The following CDK6 variants were observed in gnomAD, a reference collection of about 807,000 sequenced individuals.
CDK6 encodes cyclin-dependent kinase 6.
CDK6 carries 6 observed loss-of-function variants against 37.1 expected under a neutral mutation model. The observed-to-expected ratio is 0.16, with a 90% CI of 0.09 to 0.32. The LOEUF (loss-of-function observed/expected upper bound fraction) is 0.32, where lower values mean the gene tolerates loss of function less well. CDK6 is among the 10% of genes least tolerant of loss of function. CDK6 has a pLI of 1.00. For missense variants in CDK6, 224 were observed against 418.9 expected (o/e 0.53, Z 4.06); for synonymous variants, 160 against 161.3 (o/e 0.99, Z 0.06).
rs1041243028 is a variant in CDK6, at chr7:92,835,813, G to A, written c.-368+665C>T. ...GCGGGGACCAGGGCTGCTCACTGCG[G>A]GGCGTGTGTTTAACTCCAATATTTT... On this transcript the variant is annotated intron_variant, in intron 1 of 7. Coordinates refer to ENST00000424848, the MANE Select transcript of CDK6 (RefSeq NM_001145306.2). The surrounding 1 kb of genome is among the most constrained non-coding windows in gnomAD (Gnocchi z 4.2). Among the ~76,000 whole-genome samples the A allele has an allele frequency of 6.6e-6, 1 of 152,254 alleles. No individual in the cohort carries two copies. The highest frequency in any genetic ancestry group is 2.4e-5 in the African/African-American group (1 of 41,468).
At chr7:92,722,178 T>C (rs1798383473) in intron 4 of CDK6, among the ~76,000 whole-genome samples, 1 of 152,118 alleles carries the variant, frequency 6.6e-6, no homozygotes, top group Non-Finnish European at 1.5e-5. Context: ...AATATATATA[T>C]ATTAACATAG....
chr7:92,792,743 G>T (rs551903901), intron 2 of CDK6, among the ~76,000 whole-genome samples: 2 of 152,092 alleles, frequency 1.3e-5, no homozygotes, highest in East Asian at 3.9e-4. Context: ...TAATTAATGA[G>T]CTCAGTCTGG....
chr7:92,649,327 C>A (rs1334389302), intron 5 of CDK6, among the ~76,000 whole-genome samples: 1 of 152,126 alleles, frequency 6.6e-6, no homozygotes, highest in Non-Finnish European at 1.5e-5. Flanking sequence ...ATAATGCCAA[C>A]ATTATCTATA....
intron 4 of CDK6, among the ~76,000 whole-genome samples, chr7:92,714,254 T>C (rs994645861): frequency 6.6e-6 from 1 of 152,132 alleles, no homozygotes; most frequent in Non-Finnish European, 1.5e-5. Context: ...AGGAGATTGT[T>C]AGGCTGGGAA....
At chr7:92,829,166 T>G (rs564317330) in intron 2 of CDK6, among the ~76,000 whole-genome samples, 49 of 152,182 alleles carry the variant, frequency 3.2e-4, no homozygotes, top group Non-Finnish European at 5.9e-4. Context: ...TCACCTTTTA[T>G]GCAATATATT....
intron 2 of CDK6, among the ~76,000 whole-genome samples, chr7:92,793,618 C>G (rs1731765870): frequency 6.6e-6 from 1 of 151,860 alleles, no homozygotes; most frequent in Non-Finnish European, 1.5e-5. Context: ...GATCACAAAC[C>G]TAAATGTAAG....
chr7:92,834,583 A>G lies in CDK6; in HGVS notation c.-367-893T>C, dbSNP rs939548272. Reference sequence around the variant, plus strand: ...ACAATTTCGCTTGTCGTCTCCTTAAAGAATAACTTCAGGAAGGGGATAGCA... The same window carrying G: ...ACAATTTCGCTTGTCGTCTCCTTAAGGAATAACTTCAGGAAGGGGATAGCA... On this transcript the variant is annotated intron_variant, in intron 1 of 7. Transcript: ENST00000424848. The surrounding 1 kb of genome is among the most constrained non-coding windows in gnomAD (Gnocchi z 4.6). Among the ~76,000 whole-genome samples, 1 of 150,734 alleles carries G rather than the reference A, an allele frequency of 6.6e-6. No homozygotes were observed. The highest frequency in any genetic ancestry group is 1.5e-5 in the Non-Finnish European group (1 of 67,802).
intron 4 of CDK6, among the ~76,000 whole-genome samples, chr7:92,724,179 C>T (rs774353528): frequency 6.6e-6 from 1 of 152,182 alleles, no homozygotes; most frequent in Non-Finnish European, 1.5e-5. Flanking sequence ...CTACCTCACC[C>T]TTCCCACTGG....
chr7:92,663,571 T>G (rs756003244), intron 5 of CDK6, among the ~76,000 whole-genome samples: 1 of 151,824 alleles, frequency 6.6e-6, no homozygotes, highest in Non-Finnish European at 1.5e-5. Flanking sequence ...CGTGGCGGCA[T>G]GTGCCTGTAG....
At chr7:92,619,487 TAC>T (rs1795758210) in intron 6 of CDK6, among the ~76,000 whole-genome samples, 2 of 151,786 alleles carry the variant, frequency 1.3e-5, no homozygotes, top group Non-Finnish European at 2.9e-5. Flanking sequence ...TAATTTTAAC[TAC>T]AGTTAGAAAT....
intron 5 of CDK6, among the ~76,000 whole-genome samples, chr7:92,627,786 T>C (rs1403331103): frequency 6.6e-6 from 1 of 152,186 alleles, no homozygotes; most frequent in South Asian, 2.1e-4. Context: ...TGGTGAATTG[T>C]GTGGTTATAT....
intron 4 of CDK6, among the ~76,000 whole-genome samples, chr7:92,681,980 T>C (rs1254777178): frequency 6.6e-6 from 1 of 152,192 alleles, no homozygotes; most frequent in Non-Finnish European, 1.5e-5. Context: ...AACTTGCTTT[T>C]CCTATATTTC....
intron 2 of CDK6, among the ~76,000 whole-genome samples, chr7:92,807,643 C>T (rs1039785737): frequency 6.6e-6 from 1 of 151,716 alleles, no homozygotes; most frequent in African/African-American, 2.4e-5. Context: ...CCTGCTTGCC[C>T]TTCACTAGTA....
intron 3 of CDK6, among the ~76,000 whole-genome samples, chr7:92,767,373 T>C (rs1214378414): frequency 6.6e-6 from 1 of 152,196 alleles, no homozygotes; most frequent in Non-Finnish European, 1.5e-5. Flanking sequence ...AAGCACAATA[T>C]GTATGTTCCT....
intron 5 of CDK6, among the ~76,000 whole-genome samples, chr7:92,670,694 AGCCTAC>A (rs1399416458): frequency 6.6e-6 from 1 of 152,206 alleles, no homozygotes; most frequent in Non-Finnish European, 1.5e-5. Flanking sequence ...GAGGGCATCT[AGCCTAC>A]GCACCAACCC....
At chr7:92,770,490 G>C (rs1406992912) in intron 3 of CDK6, among the ~76,000 whole-genome samples, 4 of 152,018 alleles carry the variant, frequency 2.6e-5, no homozygotes, top group African/African-American at 9.7e-5. Flanking sequence ...AATAATTAGA[G>C]TTTCCCCAAT....
intron 2 of CDK6, among the ~76,000 whole-genome samples, chr7:92,807,629 A>G (rs891221894): frequency 1.3e-5 from 2 of 151,730 alleles, no homozygotes; most frequent in African/African-American, 4.8e-5. Flanking sequence ...CTCCACCTAA[A>G]CTTCCTGCTT....
At chr7:92,757,554 C>T (rs777241114) in intron 3 of CDK6, among the ~76,000 whole-genome samples, 2 of 152,088 alleles carry the variant, frequency 1.3e-5, no homozygotes, top group Non-Finnish European at 2.9e-5. Flanking sequence ...CAGTCTGTCA[C>T]TGATGGGCAT....
chr7:92,639,273 C>T (rs1796246233), intron 5 of CDK6, among the ~76,000 whole-genome samples: 1 of 152,110 alleles, frequency 6.6e-6, no homozygotes, highest in African/African-American at 2.4e-5. Context: ...AACCAATGAA[C>T]AATAGCGACA....
Sources: gnomAD v4.1 joint callset for allele counts (sites outside exome capture counted in the v4.1 genomes callset) on GRCh38, gnomAD v4.1.1 for gene constraint, Gnocchi (gnomAD v3.1) non-coding constraint, MANE v1.5 for transcripts, NCBI Gene and HGNC (gene_info 2026-07-23, HGNC 2026-07-21) for gene names.